The following KIRREL3 variants were observed in gnomAD, a reference collection of about 807,000 sequenced individuals.
KIRREL3 encodes the protein kirre like nephrin family adhesion molecule 3, also known as kin of IRRE-like protein 3.
A neutral mutation model predicts 89.7 loss-of-function variants in KIRREL3; 36 were observed. The observed-to-expected ratio is 0.40, with a 90% CI of 0.31 to 0.53. The LOEUF (loss-of-function observed/expected upper bound fraction) is 0.53, where lower values mean the gene tolerates loss of function less well. KIRREL3 is among the 20% of genes least tolerant of loss of function. The pLI is 0.49. For synonymous variants in KIRREL3, 445 were observed against 441.4 expected (o/e 1.01, Z -0.10); for missense variants, 864 against 1,056.6 (o/e 0.82, Z 2.53).
In KIRREL3 at chr11:126,557,063, C is replaced by T. The variant is rs535697998; in HGVS notation, c.133+5772G>A. ...AGGAAAATGACTGTGGCCCTTAGCG[C>T]GAGCCAGACTGTACGGCTGCAACAG... On this transcript the variant is annotated intron_variant, in intron 2 of 16. Transcript: ENST00000525144. The surrounding 1 kb of genome is among the most constrained non-coding windows in gnomAD (Gnocchi z 5.6). Among the ~76,000 whole-genome samples, 257 of 152,250 alleles carry T rather than the reference C, an allele frequency of 1.7e-3. 1 individual carries two copies. The highest frequency in any genetic ancestry group is 5.8e-3 in the African/African-American group (239 of 41,540).
At chr11:126,678,464 G>T (rs977849708) in intron 1 of KIRREL3, among the ~76,000 whole-genome samples, 9 of 151,992 alleles carry the variant, frequency 5.9e-5, no homozygotes, top group Middle Eastern at 3.2e-3. Flanking sequence ...GCCAGGCATG[G>T]TGGCAGGCGC....
upstream of KIRREL3, among the ~76,000 whole-genome samples, chr11:127,001,935 T>A (rs2135312731): frequency 6.6e-6 from 1 of 152,148 alleles, no homozygotes; most frequent in South Asian, 2.1e-4. Context: ...TGAAAGACGC[T>A]CCCCTGACAT....
Position 126,568,531 on chromosome 11 carries a change from C to A in KIRREL3, c.56-5619G>T, listed in dbSNP as rs1189174644. On this transcript the variant is annotated intron_variant, in intron 1 of 16. Transcript: ENST00000525144. The surrounding 1 kb of genome is among the most constrained non-coding windows in gnomAD (Gnocchi z 4.6). ...TTCCCCAGACAGTGCCTGAGATCAT[C>A]TGGAGGAGACACCAGCTGGGTTTGG... 6.6e-6 allele frequency among the ~76,000 whole-genome samples: 1 copy of A among 152,160 alleles called. No individual in the cohort carries two copies. Among genetic ancestry groups the A allele is most frequent in the Non-Finnish European group, 1.5e-5 (1 of 68,018 alleles).
rs1285580650 is a variant in KIRREL3 at position 126,575,143 on chromosome 11, G to A, written c.56-12231C>T. Among the ~76,000 whole-genome samples, 1 of 152,168 alleles carries A rather than the reference G, an allele frequency of 6.6e-6. No homozygotes were observed. The highest frequency in any genetic ancestry group is 1.5e-5 in the Non-Finnish European group (1 of 68,032). On this transcript the variant is annotated intron_variant, in intron 1 of 16. Transcript: ENST00000525144. The surrounding 1 kb of genome is among the most constrained non-coding windows in gnomAD (Gnocchi z 7.0). ...GTTCTCTGGCCAGAGGACACAGTGA[G>A]GGAGCCTGGTTTAAAAAAAAGAGGC...
intron 1 of KIRREL3, among the ~76,000 whole-genome samples, chr11:126,701,514 C>G (rs142266479): frequency 2.0e-5 from 3 of 151,930 alleles, no homozygotes; most frequent in Non-Finnish European, 4.4e-5. Flanking sequence ...CAGCCTGTGT[C>G]GAGTCATCAT....
At chr11:126,446,361 A>C (rs1353533644) in intron 9 of KIRREL3, among the ~76,000 whole-genome samples, 1 of 115,512 alleles carries the variant, frequency 8.7e-6, no homozygotes, top group East Asian at 2.1e-4. Context: ...TTTTTCCCCA[A>C]GGTCTTGCTA....
At chr11:126,482,258 C>G (rs1268375342) in intron 4 of KIRREL3, among the ~76,000 whole-genome samples, 1 of 152,246 alleles carries the variant, frequency 6.6e-6, no homozygotes, top group Admixed American at 6.5e-5. Flanking sequence ...AGGCTGGTCT[C>G]GAACTCCTGA....
Position 126,685,500 on chromosome 11 carries a change from A to G in KIRREL3, c.56-122588T>C, listed in dbSNP as rs118162206. ...AAAAGGGGTCTGCCCCCAGTGCATAATAATAGCAGTGATAATTAATAATCT... is the reference window on the plus strand; with the variant it reads ...AAAAGGGGTCTGCCCCCAGTGCATAGTAATAGCAGTGATAATTAATAATCT... On this transcript the variant is annotated intron_variant, in intron 1 of 16. Coordinates refer to ENST00000525144, the MANE Select transcript of KIRREL3 (RefSeq NM_032531.4). This position sits in a 1 kb window ranked among gnomAD's most constrained non-coding sequence, Gnocchi z 5.5. 6.6e-6 allele frequency among the ~76,000 whole-genome samples: 1 copy of G among 152,210 alleles called. No individual in the cohort carries two copies. Among genetic ancestry groups the G allele is most frequent in the Admixed American group, 6.5e-5 (1 of 15,288 alleles).
chr11:126,473,548 G>T, intron 4 of KIRREL3, 82 bp from the exon 5 acceptor site: 1 of 1,211,640 alleles, frequency 8.3e-7, no homozygotes, highest in Non-Finnish European at 1.1e-6. Flanking sequence ...ATTTTGTGGA[G>T]ATGGCAACAA....
intron 5 of KIRREL3, among the ~76,000 whole-genome samples, chr11:126,464,846 C>T (rs1044101805): frequency 5.3e-5 from 8 of 152,140 alleles, no homozygotes; most frequent in East Asian, 3.8e-4. Flanking sequence ...TGTCATGCAC[C>T]GAATTGTGGT....
At position 126,485,209 on chromosome 11, in the gene KIRREL3, A is replaced by T. The variant is rs1176564407; in HGVS notation, c.434-11743T>A. Among the ~76,000 whole-genome samples the T allele has an allele frequency of 1.3e-5, 2 of 152,166 alleles. No individual in the cohort carries two copies. Among genetic ancestry groups the T allele is most frequent in the African/African-American group, 4.8e-5 (2 of 41,438 alleles). ...TCCAAGGAGGTTGGGGACAGAGAGA[A>T]AAGAGGAACAAGGAGCAAGACGCAG... On this transcript the variant is annotated intron_variant, in intron 4 of 16. Coordinates refer to ENST00000525144, the MANE Select transcript of KIRREL3 (RefSeq NM_032531.4). The surrounding 1 kb of genome is among the most constrained non-coding windows in gnomAD (Gnocchi z 5.8).
chr11:126,662,676 T>C (rs992276069), intron 1 of KIRREL3, among the ~76,000 whole-genome samples: 1 of 152,220 alleles, frequency 6.6e-6, no homozygotes, highest in African/African-American at 2.4e-5. Context: ...TACTGTCACG[T>C]TGGCAACACC....
intron 4 of KIRREL3, among the ~76,000 whole-genome samples, chr11:126,511,440 A>G (rs1218211490): frequency 6.6e-6 from 1 of 152,122 alleles, no homozygotes; most frequent in African/African-American, 2.4e-5. Flanking sequence ...AGGTCCCCTC[A>G]CAGCAGCAAG....
chr11:126,832,325 C>T (rs559975307), intron 1 of KIRREL3, among the ~76,000 whole-genome samples: 40 of 152,214 alleles, frequency 2.6e-4, no homozygotes, highest in African/African-American at 8.7e-4. Flanking sequence ...GAAAGTGAAT[C>T]GCTCACAATG....
rs1051586871 is a variant in KIRREL3, at chr11:126,623,859, C to T, written c.56-60947G>A. 6.6e-6 allele frequency among the ~76,000 whole-genome samples: 1 copy of T among 152,196 alleles called. No individual in the cohort carries two copies. Among genetic ancestry groups the T allele is most frequent in the Non-Finnish European group, 1.5e-5 (1 of 68,046 alleles). ...GCCCTCTGTTGAACCTGGCAATAAA[C>T]GTTATGCCTCTCCCCAACCCCAGTC... On this transcript the variant is annotated intron_variant, in intron 1 of 16. Coordinates refer to ENST00000525144, the MANE Select transcript of KIRREL3 (RefSeq NM_032531.4). This position sits in a 1 kb window ranked among gnomAD's most constrained non-coding sequence, Gnocchi z 4.1.
chr11:126,527,060 GGA>G lies in KIRREL3; in HGVS notation c.134-375_134-374del, dbSNP rs376238878. Among the ~76,000 whole-genome samples, 18 of 152,012 alleles carry G rather than the reference GGA, an allele frequency of 1.2e-4. No individual in the cohort carries two copies. The highest frequency in any genetic ancestry group is 4.2e-4 in the South Asian group (2 of 4,816). On this transcript the variant is annotated intron_variant, in intron 2 of 16. Transcript: ENST00000525144. The surrounding 1 kb of genome is among the most constrained non-coding windows in gnomAD (Gnocchi z 4.2). ...GCAGTCCCACACCAGGGCAGAAACA[GGA>G]GAGAGAGAGAGAGACCTCTAGCTAG...
chr11:126,439,859 C>CA (rs745633817), intron 11 of KIRREL3, among the ~76,000 whole-genome samples: 3 of 137,904 alleles, frequency 2.2e-5, no homozygotes. Context: ...AACACACAAA[C>CA]AAAAAAACCA....
In KIRREL3 at chr11:126,623,882, G is replaced by A. The variant is rs1257364233; in HGVS notation, c.56-60970C>T. Reference sequence around the variant, plus strand: ...AACGTTATGCCTCTCCCCAACCCCAGTCCAGAAGGGGCTGGCAGGTACCTC... The same window carrying A: ...AACGTTATGCCTCTCCCCAACCCCAATCCAGAAGGGGCTGGCAGGTACCTC... On this transcript the variant is annotated intron_variant, in intron 1 of 16. Coordinates refer to ENST00000525144, the MANE Select transcript of KIRREL3 (RefSeq NM_032531.4). This position sits in a 1 kb window ranked among gnomAD's most constrained non-coding sequence, Gnocchi z 4.1. Among the ~76,000 whole-genome samples the A allele has an allele frequency of 6.6e-6, 1 of 152,154 alleles. No homozygotes were observed. Among genetic ancestry groups the A allele is most frequent in the African/African-American group, 2.4e-5 (1 of 41,430 alleles).
intron 1 of KIRREL3, among the ~76,000 whole-genome samples, chr11:126,798,307 C>G (rs1441231440): frequency 2.6e-5 from 4 of 152,196 alleles, no homozygotes; most frequent in Non-Finnish European, 4.4e-5. Context: ...AGGACCCTCC[C>G]TTATTGCTTG....
Sources: allele counts gnomAD v4.1 joint callset (sites outside exome capture counted in the v4.1 genomes callset), GRCh38; gene constraint gnomAD v4.1.1; non-coding constraint Gnocchi (gnomAD v3.1); transcripts MANE v1.5; gene names NCBI Gene and HGNC (gene_info 2026-07-23, HGNC 2026-07-21).